Variants in ATXN2 observed in about 807,000 individuals in gnomAD.
ATXN2 encodes ataxin 2.
In ATXN2, 37 loss-of-function variants were observed where a neutral mutation model predicts 138.6. That is an observed-to-expected ratio of 0.27 (90% confidence interval 0.21 to 0.35). The LOEUF (loss-of-function observed/expected upper bound fraction) is 0.35, where lower values mean the gene tolerates loss of function less well. Ranked by LOEUF, ATXN2 falls within the 10% of genes least tolerant of loss-of-function variation. ATXN2 has a pLI of 1.00. For missense variants in ATXN2, 1,216 were observed against 1,480.3 expected (o/e 0.82, Z 2.93); for synonymous variants, 549 against 543.7 (o/e 1.01, Z -0.13).
intron 14 of ATXN2, among the ~76,000 whole-genome samples, chr12:111,493,209 C>G (rs1878159781): frequency 6.6e-6 from 1 of 151,976 alleles, no homozygotes; most frequent in Non-Finnish European, 1.5e-5. Context: ...ACCCTGAGGT[C>G]AGGAGCTCAA....
At chr12:111,463,469 G>T (rs1371350995) in intron 21 of ATXN2, among the ~76,000 whole-genome samples, 2 of 152,010 alleles carry the variant, frequency 1.3e-5, no homozygotes, top group African/African-American at 2.4e-5. Context: ...TAGAGATAGG[G>T]TTTCACCATG....
chr12:111,510,386 C>G lies in ATXN2; in HGVS notation c.1755G>C (p.Glu585Asp). ...ATCCAGAAGCCCTTTGTTACATACC[C>G]TCACTAGAAGGGGTAACAGCTCTGT... is the stretch of plus-strand genomic sequence containing the variant. Reference protein sequence around the residue: ...ASNRAVTPSSEAKDSRLQDQR... With the variant: ...ASNRAVTPSSDAKDSRLQDQR... Residue 585 changes from glutamate (E) to aspartate (D), a missense_variant and splice_region_variant, in exon 12 of 25, where the codon GAG becomes GAC. Around this residue, in one of 4 missense-constraint regions of ATXN2, gnomAD observed 215 missense variants for 210.0 expected, o/e 1.02. Transcript: ENST00000673436. The G allele has an allele frequency of 6.2e-7, 1 of 1,613,688 alleles. No individual in the cohort carries two copies. Among genetic ancestry groups the G allele is most frequent in the South Asian group, 1.1e-5 (1 of 91,014 alleles).
At chr12:111,497,877 G>A (rs1345249573) in intron 14 of ATXN2, among the ~76,000 whole-genome samples, 12 of 151,980 alleles carry the variant, frequency 7.9e-5, no homozygotes, top group Non-Finnish European at 1.5e-4. Flanking sequence ...TTAGCCGGGC[G>A]TGTTAGCGGA....
intron 5 of ATXN2, among the ~76,000 whole-genome samples, chr12:111,535,048 C>G (rs1035386767): frequency 6.6e-6 from 1 of 152,094 alleles, no homozygotes; most frequent in Non-Finnish European, 1.5e-5. Flanking sequence ...AATGGGAGAA[C>G]AGCTTGAGCC....
At chr12:111,501,614 G>T (rs1199534750) in intron 14 of ATXN2, among the ~76,000 whole-genome samples, 1 of 152,176 alleles carries the variant, frequency 6.6e-6, no homozygotes, top group Non-Finnish European at 1.5e-5. Context: ...TACCAATATA[G>T]CTAAAGAGTC....
intron 5 of ATXN2, among the ~76,000 whole-genome samples, chr12:111,528,083 G>A (rs182725761): frequency 3.3e-5 from 5 of 152,162 alleles, no homozygotes; most frequent in South Asian, 2.1e-4. Context: ...GTTCCTTTAC[G>A]TCTAAGATCC....
At chr12:111,534,993 C>A (rs967991731) in intron 5 of ATXN2, among the ~76,000 whole-genome samples, 1 of 151,722 alleles carries the variant, frequency 6.6e-6, no homozygotes. Flanking sequence ...CTAAAAAAAA[C>A]AAACAAAAAA....
upstream of ATXN2, chr12:111,599,665 T>C: frequency 4.7e-6 from 5 of 1,059,144 alleles, no homozygotes; most frequent in Non-Finnish European, 5.8e-6. Flanking sequence ...GCTGGGTTGC[T>C]TTCTCGGGGG....
intron 14 of ATXN2, among the ~76,000 whole-genome samples, chr12:111,504,253 C>G (rs776557696): frequency 2.0e-5 from 3 of 152,192 alleles, no homozygotes; most frequent in Non-Finnish European, 4.4e-5. Context: ...TTGTAGTCAA[C>G]AGACTTCCAA....
chr12:111,572,031 C>A, intron 1 of ATXN2, among the ~76,000 whole-genome samples: 2 of 128,188 alleles, frequency 1.6e-5, no homozygotes, highest in South Asian at 2.7e-4. Flanking sequence ...AAAAAAGGGG[C>A]TTTTAAAATA....
At chr12:111,486,592 CTTTT>C (rs1384293496) in intron 16 of ATXN2, among the ~76,000 whole-genome samples, 165 bp downstream of exon 16, 34 of 151,856 alleles carry the variant, frequency 2.2e-4, no homozygotes, top group Admixed American at 6.6e-5. Context: ...AAACAAAGAC[CTTTT>C]TTTAATGTTT....
chr12:111,459,846 C>A (rs1317869111), intron 21 of ATXN2, among the ~76,000 whole-genome samples: 1 of 151,360 alleles, frequency 6.6e-6, no homozygotes, highest in East Asian at 1.9e-4. Context: ...AGTGATACTC[C>A]TGCTTCAGCC....
intron 9 of ATXN2, among the ~76,000 whole-genome samples, chr12:111,517,772 T>C (rs1009675408): frequency 1.7e-4 from 26 of 152,186 alleles, no homozygotes; most frequent in African/African-American, 5.8e-4. Context: ...TGATCATGTC[T>C]TGTATTATAA....
chr12:111,579,819 C>T (rs540023777), intron 1 of ATXN2, among the ~76,000 whole-genome samples: 4 of 151,660 alleles, frequency 2.6e-5, no homozygotes, highest in South Asian at 2.1e-4. Context: ...CTGTCTCAGC[C>T]CCCCCGAGTA....
rs1877736957 is a variant in ATXN2 at position 111,487,718 on chromosome 12, CAG to C, written c.2240+756_2240+757del. ...AAGTAATCTACCTGCTTGGACCTCC[CAG>C]AGTGCTGGGATTATAGGTATGAGCT... On this transcript the variant is annotated intron_variant, in intron 15 of 24. Transcript: ENST00000673436. Among the ~76,000 whole-genome samples, 6 of 152,066 alleles carry C rather than the reference CAG, an allele frequency of 3.9e-5. No individual in the cohort carries two copies. In the South Asian group the frequency reaches 1.2e-3, roughly 32 times the overall value.
intron 16 of ATXN2, among the ~76,000 whole-genome samples, chr12:111,486,232 A>G (rs553797570): frequency 6.6e-6 from 1 of 152,236 alleles, no homozygotes; most frequent in South Asian, 2.1e-4. Context: ...TGAAGATACC[A>G]AAGTCTTGGA....
chr12:111,598,874 G>T lies in ATXN2; in HGVS notation c.161C>A (p.Pro54Gln). 6.7e-7 allele frequency: 1 copy of T among 1,494,392 alleles called. No individual in the cohort carries two copies. Among genetic ancestry groups the T allele is most frequent in the Non-Finnish European group, 8.9e-7 (1 of 1,128,422 alleles). 92.6% of individuals were successfully genotyped at this position (1,494,392 alleles called of 1,614,324 possible). ...LLASPAAAPS[P>Q]SSSSVSSSSA... ...GGACGAGGAGACCGAGGACGAGGAC[G>T]GCGAAGGCGCGGCGGCGGGCGACGC... Residue 54 changes from proline (P) to glutamine (Q), a missense_variant, in exon 1 of 25, where the codon CCG (proline) becomes CAG (glutamine). Coordinates refer to ENST00000673436, the MANE Select transcript of ATXN2 (RefSeq NM_001372574.1). This position sits in a 1 kb window ranked among gnomAD's most constrained non-coding sequence, Gnocchi z 4.5.
At chr12:111,581,718 G>T (rs543378643) in intron 1 of ATXN2, 3 of 659,550 alleles carry the variant, frequency 4.5e-6, no homozygotes, top group Middle Eastern at 5.3e-4. Context: ...CTGATTGTGC[G>T]CATCATTACG....
At chr12:111,522,300 G>A (rs74653363) in intron 6 of ATXN2, among the ~76,000 whole-genome samples, 2,231 of 151,852 alleles carry the variant, frequency 0.015, 62 homozygotes, top group African/African-American at 0.051. Flanking sequence ...CAATCCCAGC[G>A]TGCATAAATA....
Sources: allele counts gnomAD v4.1 joint callset (sites outside exome capture counted in the v4.1 genomes callset), GRCh38; gene constraint gnomAD v4.1.1; regional missense constraint gnomAD v4.1.1; non-coding constraint Gnocchi (gnomAD v3.1); transcripts MANE v1.5; gene names NCBI Gene and HGNC (gene_info 2026-07-23, HGNC 2026-07-21).